Variants in COL15A1 observed in about 807,000 individuals in gnomAD.
The protein encoded by COL15A1 is collagen alpha-1(XV) chain.
COL15A1 carries 111 observed loss-of-function variants against 165.9 expected under a neutral mutation model. That is an observed-to-expected ratio of 0.67 (90% CI 0.57 to 0.78). The LOEUF (loss-of-function observed/expected upper bound fraction) is 0.78. Ranked by LOEUF, COL15A1 falls within the 30% of genes least tolerant of loss-of-function variation. The pLI is 0.00. For missense variants in COL15A1, 1,745 were observed against 1,789.7 expected, an observed-to-expected ratio of 0.98 and a Z score of 0.45; for synonymous variants, 659 against 674.8, an observed-to-expected ratio of 0.98 and a Z score of 0.36.
intron 2 of COL15A1, among the ~76,000 whole-genome samples, chr9:98,980,446 TG>T (rs1838218780): frequency 6.6e-6 from 1 of 152,154 alleles, no homozygotes; most frequent in African/African-American, 2.4e-5. Flanking sequence ...TGAAAATAAC[TG>T]GGCTGGGCTG....
chr9:98,997,547 A>C (rs1373117328), intron 6 of COL15A1, among the ~76,000 whole-genome samples: 4 of 152,236 alleles, frequency 2.6e-5, no homozygotes, highest in Non-Finnish European at 5.9e-5. Context: ...CTAAGTCCAG[A>C]GTCCCCACCC....
At chr9:98,996,838 T>C (rs1838553256) in intron 5 of COL15A1, 96 bp from the exon 6 acceptor site, 3 of 1,542,902 alleles carry the variant, frequency 1.9e-6, no homozygotes, top group African/African-American at 1.4e-5. Flanking sequence ...ATTCAGCATC[T>C]TGTGGATATA....
intron 2 of COL15A1, among the ~76,000 whole-genome samples, chr9:98,948,207 A>G (rs927506077): frequency 6.6e-6 from 1 of 152,228 alleles, no homozygotes; most frequent in Non-Finnish European, 1.5e-5. Flanking sequence ...AAAGGGCCAC[A>G]GACAACTGTA....
chr9:98,961,943 T>G (rs1489448718), intron 2 of COL15A1, among the ~76,000 whole-genome samples: 5 of 152,212 alleles, frequency 3.3e-5, no homozygotes, highest in Admixed American at 2.6e-4. Context: ...TGGTCCACCT[T>G]GGCCTCTCAG....
In COL15A1 at chr9:99,044,632, A is replaced by G; in HGVS notation, c.2639A>G (p.Lys880Arg). Residue 880 changes from lysine to arginine, a missense_variant, in exon 25 of 42, where the codon AAA (lysine) becomes AGA (arginine). Lys to Arg is a conservative substitution (Grantham distance 26, BLOSUM62 2). Coordinates refer to ENST00000375001, the MANE Select transcript of COL15A1 (RefSeq NM_001855.5). The part of the protein sequence containing the change: ...EDIPLERLMG[K>R]KGEPGMHGAP... Reference sequence around the variant, plus strand: ...ATTCCTCTGGAAAGGCTGATGGGGAAAAAGGTAATTATGTCACCAGACCCT... The same window carrying G: ...ATTCCTCTGGAAAGGCTGATGGGGAGAAAGGTAATTATGTCACCAGACCCT... The G allele has an allele frequency of 6.2e-7, 1 of 1,614,114 alleles. No homozygotes were observed. Among genetic ancestry groups the G allele is most frequent in the South Asian group, 1.1e-5 (1 of 91,088 alleles).
intron 35 of COL15A1, among the ~76,000 whole-genome samples, chr9:99,058,656 T>A (rs1358583511): frequency 6.6e-6 from 1 of 152,204 alleles, no homozygotes; most frequent in Non-Finnish European, 1.5e-5. Flanking sequence ...TCCCATGTAG[T>A]CTTCACAGCA....
At chr9:99,063,333 G>A (rs1455946808) in intron 39 of COL15A1, among the ~76,000 whole-genome samples, 2 of 152,134 alleles carry the variant, frequency 1.3e-5, no homozygotes. Flanking sequence ...CCTGGAGGAG[G>A]TTACCTCCAA....
chr9:99,031,592 A>T (rs938593070), intron 16 of COL15A1, among the ~76,000 whole-genome samples: 1 of 152,100 alleles, frequency 6.6e-6, no homozygotes, highest in Non-Finnish European at 1.5e-5. Context: ...ATCTATCCTG[A>T]GAGCTTTGCT....
chr9:98,967,000 T>A (rs1211653409), intron 2 of COL15A1, among the ~76,000 whole-genome samples: 2 of 152,244 alleles, frequency 1.3e-5, no homozygotes, highest in Admixed American at 6.5e-5. Context: ...ACATGTGTAT[T>A]ATTTGTACAT....
chr9:99,034,616 A>G, intron 17 of COL15A1, 32 bp downstream of exon 17: 1 of 1,356,672 alleles, frequency 7.4e-7, no homozygotes, highest in Non-Finnish European at 9.5e-7. Flanking sequence ...AAAAAAAAAG[A>G]ACTTTCTTCT....
At chr9:98,944,610 G>GT (rs1837546955) in intron 2 of COL15A1, among the ~76,000 whole-genome samples, 1 of 152,278 alleles carries the variant, frequency 6.6e-6, no homozygotes, top group Non-Finnish European at 1.5e-5. Flanking sequence ...CGTGCTGGCT[G>GT]GCTTCTGGTA....
intron 8 of COL15A1, among the ~76,000 whole-genome samples, chr9:99,004,612 G>GTT (rs1838723667): frequency 6.6e-6 from 1 of 152,184 alleles, no homozygotes; most frequent in African/African-American, 2.4e-5. Flanking sequence ...CTCTGATTAG[G>GTT]GGACACAGCT....
intron 7 of COL15A1, among the ~76,000 whole-genome samples, chr9:99,002,730 T>G (rs1838683045): frequency 6.6e-6 from 1 of 152,236 alleles, no homozygotes. Flanking sequence ...AAAAAGGGGC[T>G]CTGTGGTCAA....
At chr9:99,005,182 T>TG in intron 9 of COL15A1, 132 bp downstream of exon 9, 1 of 962,868 alleles carries the variant, frequency 1.0e-6, no homozygotes, top group Non-Finnish European at 1.5e-6. Flanking sequence ...AATACTCACT[T>TG]GGGGGTGGAG....
intron 2 of COL15A1, among the ~76,000 whole-genome samples, chr9:98,984,377 A>G (rs1411679133): frequency 6.6e-6 from 1 of 152,214 alleles, no homozygotes. Context: ...GGGCCTTTTC[A>G]GGACACCATA....
At chr9:98,972,249 C>A (rs1042997150) in intron 2 of COL15A1, among the ~76,000 whole-genome samples, 1 of 152,154 alleles carries the variant, frequency 6.6e-6, no homozygotes, top group African/African-American at 2.4e-5. Context: ...AAAGCCCAGG[C>A]AGTTAGCCCT....
At chr9:98,947,088 T>C (rs1331642163) in intron 2 of COL15A1, among the ~76,000 whole-genome samples, 2 of 152,170 alleles carry the variant, frequency 1.3e-5, no homozygotes, top group Non-Finnish European at 2.9e-5. Flanking sequence ...ACCCAAAAAC[T>C]CATATGTATG....
Position 99,062,283 on chromosome 9 carries a change from A to AC in COL15A1, c.3575dup (p.Ala1193CysfsTer22). On this transcript the variant is annotated frameshift_variant, in exon 38 of 42. Transcript: ENST00000375001. LOFTEE classifies it high-confidence loss of function. ...TCCCCATTCCTGCCGACAGCCCTCC[A>AC]CCCCCTGCGCTTTCCAGCAACGTGA... is the stretch of plus-strand genomic sequence containing the variant. The AC allele has an allele frequency of 6.2e-7, 1 of 1,613,202 alleles. No individual in the cohort carries two copies. The highest frequency in any genetic ancestry group is 8.5e-7 in the Non-Finnish European group (1 of 1,179,394).
chr9:98,961,771 G>A (rs1280155549), intron 2 of COL15A1, among the ~76,000 whole-genome samples: 2 of 152,200 alleles, frequency 1.3e-5, no homozygotes. Context: ...TCTACTACCT[G>A]CCTTGCTCCT....
Sources: allele counts gnomAD v4.1 joint callset (sites outside exome capture counted in the v4.1 genomes callset), GRCh38; gene constraint gnomAD v4.1.1; transcripts MANE v1.5; gene names NCBI Gene and HGNC (gene_info 2026-07-23, HGNC 2026-07-21).